TENM2: variants seen among roughly 807,000 people sequenced by gnomAD.
The protein encoded by TENM2 is teneurin transmembrane protein 2, also known as teneurin-2.
A neutral mutation model predicts 245.2 loss-of-function variants in TENM2; 52 were observed. The observed-to-expected ratio is 0.21, with a 90% CI of 0.17 to 0.27. The LOEUF (loss-of-function observed/expected upper bound fraction) is 0.27, where lower values mean the gene tolerates loss of function less well. Among genes scored for constraint, TENM2 ranks in the 10% least tolerant of loss-of-function variants. TENM2 has a pLI of 1.00. For synonymous variants in TENM2, 1,363 were observed against 1,438.9 expected (o/e 0.95, Z 1.19); for missense variants, 3,046 against 3,666.8 (o/e 0.83, Z 4.37).
At chr5:167,247,318 C>A in the TENM2 span, among the ~76,000 whole-genome samples, 1 of 152,120 alleles carries the variant, frequency 6.6e-6, no homozygotes, top group Admixed American at 6.6e-5. Context: ...TCCCAAACAG[C>A]CTTTACAGCC....
the TENM2 span, among the ~76,000 whole-genome samples, chr5:166,984,702 A>G: frequency 6.6e-6 from 1 of 152,164 alleles, no homozygotes; most frequent in Non-Finnish European, 1.5e-5. Flanking sequence ...GAAGATAGCT[A>G]TATTCGTGCA....
chr5:167,076,497 T>C, the TENM2 span, among the ~76,000 whole-genome samples: 2 of 152,132 alleles, frequency 1.3e-5, no homozygotes, highest in South Asian at 2.1e-4. Flanking sequence ...GAGACCTACA[T>C]AGGGAATATG....
intron 2 of TENM2, among the ~76,000 whole-genome samples, chr5:167,486,791 AC>A (rs1768103786): frequency 6.6e-6 from 1 of 152,068 alleles, no homozygotes; most frequent in Non-Finnish European, 1.5e-5. Context: ...GGAGGTGACA[AC>A]CCCATCACTA....
In TENM2 at chr5:167,868,545, C is replaced by A. The variant is rs77402191; in HGVS notation, c.503-7441C>A. Among the ~76,000 whole-genome samples, 670 of 151,928 alleles carry A rather than the reference C, an allele frequency of 4.4e-3. 10 individuals are homozygous for A. Among genetic ancestry groups the A allele is most frequent in the African/African-American group, 0.015 (642 of 41,438 alleles). The stretch of plus-strand genomic sequence containing the variant: ...CCTGAGGTCAGGAGTTCTAGACCAG[C>A]CTGCAACATGGTGAAACCCCGTCTC... On this transcript the variant is annotated intron_variant, in intron 2 of 28. Coordinates refer to ENST00000518659, the Ensembl canonical transcript of TENM2.
At chr5:168,112,606 C>CGGTG (rs1554199700) in intron 9 of TENM2, among the ~76,000 whole-genome samples, 10 of 64,114 alleles carry the variant, frequency 1.6e-4, no homozygotes, top group African/African-American at 5.1e-4. Flanking sequence ...GTGCAGTGGG[C>CGGTG]GGGGGGGGGG....
the TENM2 span, among the ~76,000 whole-genome samples, chr5:167,016,193 G>A: frequency 6.7e-6 from 1 of 149,966 alleles, no homozygotes; most frequent in Non-Finnish European, 1.5e-5. Flanking sequence ...GGCAGAGCTT[G>A]CAGTGAGCCG....
intron 2 of TENM2, among the ~76,000 whole-genome samples, chr5:167,675,251 A>T (rs1378064217): frequency 6.6e-6 from 1 of 152,116 alleles, no homozygotes; most frequent in Non-Finnish European, 1.5e-5. Flanking sequence ...ATTTGGTGTG[A>T]TACACAAAGA....
chr5:167,028,559 T>G, the TENM2 span, among the ~76,000 whole-genome samples: 4 of 152,136 alleles, frequency 2.6e-5, no homozygotes, highest in Non-Finnish European at 5.9e-5. Context: ...AAATTTCTTT[T>G]GTGAATTTTT....
At chr5:168,163,155 C>T (rs145708192) in intron 13 of TENM2, among the ~76,000 whole-genome samples, 89 of 152,272 alleles carry the variant, frequency 5.8e-4, no homozygotes, top group African/African-American at 2.1e-3. Flanking sequence ...TCCTTACAGC[C>T]CTTTGAGATG....
the TENM2 span, among the ~76,000 whole-genome samples, chr5:167,114,534 G>A: frequency 6.6e-6 from 1 of 152,136 alleles, no homozygotes; most frequent in Non-Finnish European, 1.5e-5. Flanking sequence ...CTACAAGAAG[G>A]AACAATTATT....
chr5:167,609,515 A>AAAAAAAAAAAG (rs1582533515), intron 2 of TENM2, among the ~76,000 whole-genome samples: 6 of 87,824 alleles, frequency 6.8e-5, no homozygotes, highest in East Asian at 3.4e-4. Flanking sequence ...AAAAAAAACA[A>AAAAAAAAAAAG]AACCTTACCT....
chr5:167,932,850 G>C (rs1441419509), intron 3 of TENM2, among the ~76,000 whole-genome samples: 4 of 152,036 alleles, frequency 2.6e-5, no homozygotes, highest in African/African-American at 9.7e-5. Context: ...TTGCCCGTTT[G>C]CCAACCCCAA....
chr5:167,671,598 A>G (rs1318097312), intron 2 of TENM2, among the ~76,000 whole-genome samples: 1 of 152,052 alleles, frequency 6.6e-6, no homozygotes, highest in African/African-American at 2.4e-5. Flanking sequence ...ATTGTATTTT[A>G]TAGTGATCTA....
Position 167,872,377 on chromosome 5 carries a change from G to T in TENM2, c.503-3609G>T, listed in dbSNP as rs1305581486. 3.7e-5 allele frequency among the ~76,000 whole-genome samples: 5 copies of T among 133,986 alleles called. 1 individual carries two copies. Among genetic ancestry groups the T allele is most frequent in the African/African-American group, 1.4e-4 (5 of 34,966 alleles). 87.9% of individuals were successfully genotyped at this position (133,986 alleles called of 152,430 possible). On this transcript the variant is annotated intron_variant, in intron 2 of 28. Coordinates refer to ENST00000518659, the Ensembl canonical transcript of TENM2. ...AAGGAAAGAGAAGGAAGGAAGGAAG[G>T]AAAAGAAAGAAGGAAAGAAAGGAAG...
rs1400841938 is a variant in TENM2, at chr5:167,321,798, T to TTTTTTTTTTG, written c.226+36738_226+36739insTTTTTTGTTT. The stretch of plus-strand genomic sequence containing the variant: ...CTGCCTTGGCTTATTTTTTTTTTTT[T>TTTTTTTTTTG]TTTGGGGGGGGGGGCGGGGGGGGGG... On this transcript the variant is annotated intron_variant, in intron 1 of 28. Transcript: ENST00000518659. Among the ~76,000 whole-genome samples, 9 of 23,198 alleles carry TTTTTTTTTTG rather than the reference T, an allele frequency of 3.9e-4. 2 individuals are homozygous for TTTTTTTTTTG. The highest frequency in any genetic ancestry group is 1.1e-3 in the African/African-American group (7 of 6,604). The allele number at this position is 23,198 out of a possible 152,430, so 15.2% of individuals were successfully genotyped here.
At chr5:167,608,493 T>G (rs3101179) in intron 2 of TENM2, among the ~76,000 whole-genome samples, 139,514 of 152,272 alleles carry the variant, frequency 0.92, 64,087 homozygotes, top group East Asian at 0.99. Context: ...GTGCTTCCCT[T>G]CCCAGGTCTG....
At chr5:167,220,284 G>A in the TENM2 span, among the ~76,000 whole-genome samples, 1 of 152,158 alleles carries the variant, frequency 6.6e-6, no homozygotes, top group African/African-American at 2.4e-5. Flanking sequence ...TTTTTAGTTT[G>A]TGTGTTTGTT....
intron 3 of TENM2, among the ~76,000 whole-genome samples, chr5:167,939,053 C>T (rs1252226849): frequency 1.3e-5 from 2 of 152,136 alleles, no homozygotes; most frequent in Non-Finnish European, 2.9e-5. Context: ...GTGGAGAAAA[C>T]TGTCACTTTG....
chr5:167,890,266 C>T (rs982243527), intron 3 of TENM2, among the ~76,000 whole-genome samples: 7 of 152,092 alleles, frequency 4.6e-5, no homozygotes, highest in South Asian at 2.1e-4. Flanking sequence ...TGTGCTGAGT[C>T]GCCGAATCTG....
Sources: gnomAD v4.1 joint callset for allele counts (sites outside exome capture counted in the v4.1 genomes callset) on GRCh38, gnomAD v4.1.1 for gene constraint, MANE v1.5 for transcripts, NCBI Gene and HGNC (gene_info 2026-07-23, HGNC 2026-07-21) for gene names.